The following SCN8A variants were observed in gnomAD, a reference collection of about 807,000 sequenced individuals.
SCN8A encodes the protein sodium voltage-gated channel alpha subunit 8.
In SCN8A, 30 loss-of-function variants were observed where a neutral mutation model predicts 184.1. The ratio of observed to expected loss-of-function variants is 0.16; its 90% CI spans 0.12 to 0.22. SCN8A has a LOEUF of 0.22. Ranked by LOEUF, SCN8A falls within the 10% of genes least tolerant of loss-of-function variation. The pLI, the probability that SCN8A is intolerant of heterozygous loss-of-function variation, is 1.00. For synonymous variants in SCN8A, 852 were observed against 907.0 expected, an observed-to-expected ratio of 0.94 and a Z score of 1.09; for missense variants, 1,057 against 2,498.9, an observed-to-expected ratio of 0.42 and a Z score of 12.30.
At chr12:51,710,424 G>A (rs1941855136) in intron 11 of SCN8A, among the ~76,000 whole-genome samples, 1 of 152,116 alleles carries the variant, frequency 6.6e-6, no homozygotes, top group Non-Finnish European at 1.5e-5. Flanking sequence ...CAGCACTTTG[G>A]GAGGCCAAGG....
intron 12 of SCN8A, 91 bp downstream of exon 12, chr12:51,721,999 C>T: frequency 2.5e-6 from 4 of 1,586,876 alleles, no homozygotes; most frequent in Non-Finnish European, 3.4e-6. Flanking sequence ...CGCTCCTTCC[C>T]CTCCTCTTTC....
intron 19 of SCN8A, among the ~76,000 whole-genome samples, chr12:51,772,807 C>T (rs1470003850): frequency 1.4e-5 from 2 of 146,390 alleles, no homozygotes; most frequent in East Asian, 1.9e-4. Flanking sequence ...GGTGAAACCC[C>T]ATCTCTACTA....
At chr12:51,770,259 G>A (rs1942904122) in intron 18 of SCN8A, 1 of 585,312 alleles carries the variant, frequency 1.7e-6, no homozygotes, top group Non-Finnish European at 3.0e-6. Flanking sequence ...TCATGGCTGT[G>A]CCTGCCTCCT....
intron 19 of SCN8A, 107 bp downstream of exon 19, chr12:51,770,790 C>A: frequency 2.6e-6 from 3 of 1,174,206 alleles, no homozygotes; most frequent in Non-Finnish European, 3.7e-6. Context: ...AACAGATTGG[C>A]TGTGGTCCCA....
At chr12:51,759,986 A>G (rs1272289449) in intron 14 of SCN8A, among the ~76,000 whole-genome samples, 1 of 152,172 alleles carries the variant, frequency 6.6e-6, no homozygotes, top group Non-Finnish European at 1.5e-5. Context: ...AAAGCCCACT[A>G]TTGAGATAAC....
intron 12 of SCN8A, among the ~76,000 whole-genome samples, chr12:51,741,893 G>A (rs553101229): frequency 2.6e-5 from 4 of 151,916 alleles, no homozygotes; most frequent in African/African-American, 9.7e-5. Context: ...TAGTAGAGAC[G>A]GGCTTTCTCC....
At chr12:51,593,821 A>G (rs934629363) in intron 1 of SCN8A, among the ~76,000 whole-genome samples, 13 of 152,192 alleles carry the variant, frequency 8.5e-5, no homozygotes, top group Admixed American at 7.2e-4. Flanking sequence ...GCTGTCCCTC[A>G]TGGAGACAAT....
At chr12:51,651,605 A>G (rs1753855800) in intron 1 of SCN8A, among the ~76,000 whole-genome samples, 2 of 152,208 alleles carry the variant, frequency 1.3e-5, no homozygotes, top group Admixed American at 6.5e-5. Context: ...CTACTATGAG[A>G]ACAGTATGGG....
chr12:51,767,232 A>G (rs925181612), intron 16 of SCN8A, among the ~76,000 whole-genome samples: 1 of 152,100 alleles, frequency 6.6e-6, no homozygotes, highest in Admixed American at 6.6e-5. Context: ...TCAAGCCCTG[A>G]CTTTGCCACC....
chr12:51,803,381 T>C (rs1177014096), intron 26 of SCN8A, among the ~76,000 whole-genome samples: 1 of 151,964 alleles, frequency 6.6e-6, no homozygotes, highest in African/African-American at 2.4e-5. Flanking sequence ...CCCACCCACA[T>C]TGAGGATGGG....
At chr12:51,615,372 T>C (rs1939813137) in intron 1 of SCN8A, among the ~76,000 whole-genome samples, 1 of 152,132 alleles carries the variant, frequency 6.6e-6, no homozygotes, top group Non-Finnish European at 1.5e-5. Context: ...CTGAGCAACA[T>C]GGTAAAACCC....
chr12:51,778,241 G>A (rs1170402286), intron 20 of SCN8A, among the ~76,000 whole-genome samples: 1 of 152,108 alleles, frequency 6.6e-6, no homozygotes, highest in Non-Finnish European at 1.5e-5. Context: ...GGTGGATTAT[G>A]AGCACATGCA....
intron 12 of SCN8A, among the ~76,000 whole-genome samples, chr12:51,726,222 C>T (rs1942153122): frequency 6.6e-6 from 1 of 152,220 alleles, no homozygotes; most frequent in Non-Finnish European, 1.5e-5. Flanking sequence ...TTTCCTGCGT[C>T]TCCATCTCTG....
intron 14 of SCN8A, among the ~76,000 whole-genome samples, chr12:51,757,976 C>T (rs1942702694): frequency 6.6e-6 from 1 of 152,142 alleles, no homozygotes; most frequent in Non-Finnish European, 1.5e-5. Flanking sequence ...GAGAAAATTT[C>T]TAAACATTCA....
chr12:51,758,128 C>T (rs190903738), intron 14 of SCN8A, among the ~76,000 whole-genome samples: 3 of 152,224 alleles, frequency 2.0e-5, no homozygotes, highest in Admixed American at 2.0e-4. Flanking sequence ...TGCTTTCTAG[C>T]CTGGCTAGAA....
rs1235606512 is a variant in SCN8A at position 51,811,722 on chromosome 12, C to T, written c.*4293C>T. ...CAGGAACACTCTCTCAGGAGGATCT[C>T]GAAGTGCCCACTCTAGTCCGCTCCA... On this transcript the variant is annotated 3_prime_UTR_variant, in exon 27 of 27. Coordinates refer to ENST00000627620, the MANE Select transcript of SCN8A (RefSeq NM_001330260.2). 1.3e-5 allele frequency: 2 copies of T among 152,426 alleles called. No homozygotes were observed. The highest frequency in any genetic ancestry group is 4.8e-5 in the African/African-American group (2 of 41,560). 9.4% of individuals were successfully genotyped at this position (152,426 alleles called of 1,614,324 possible).
At chr12:51,618,646 T>C (rs1290198271) in intron 1 of SCN8A, among the ~76,000 whole-genome samples, 1 of 152,172 alleles carries the variant, frequency 6.6e-6, no homozygotes, top group African/African-American at 2.4e-5. Flanking sequence ...GGATTTTAGT[T>C]GAATACAGTG....
intron 25 of SCN8A, 41 bp from the exon 26 acceptor site, chr12:51,794,329 GT>G: frequency 1.3e-6 from 2 of 1,576,636 alleles, no homozygotes. Context: ...GCTTGGAAAG[GT>G]TTTCATGAAT....
rs545549272 is a variant in SCN8A, at chr12:51,759,995, A to G, written c.2371-2508A>G. 3.5e-4 allele frequency among the ~76,000 whole-genome samples: 53 copies of G among 152,278 alleles called. 1 individual carries two copies. Among genetic ancestry groups the G allele is most frequent in the Admixed American group, 2.7e-3 (41 of 15,292 alleles). ...TATCACAAAGCCCACTATTGAGATA[A>G]CCAGCCCACTCCTGCAATAACATCA... On this transcript the variant is annotated intron_variant, in intron 14 of 26. Transcript: ENST00000627620.
Sources: gnomAD v4.1 joint callset for allele counts (sites outside exome capture counted in the v4.1 genomes callset) on GRCh38, gnomAD v4.1.1 for gene constraint, MANE v1.5 for transcripts, NCBI Gene and HGNC (gene_info 2026-07-23, HGNC 2026-07-21) for gene names.